The following NHS variants were observed in gnomAD, a reference collection of about 807,000 sequenced individuals.
NHS encodes the protein actin remodeling regulator NHS.
In NHS, 5 loss-of-function variants were observed where a neutral mutation model predicts 72.5. That is an observed-to-expected ratio of 0.07 (90% CI 0.04 to 0.14). The LOEUF is 0.14. Ranked by LOEUF, NHS falls within the 10% of genes least tolerant of loss-of-function variation. The pLI, the probability that NHS is intolerant of heterozygous loss-of-function variation, is 1.00. For missense variants in NHS, 1,072 were observed against 1,355.7 expected, an observed-to-expected ratio of 0.79 and a Z score of 3.29; for synonymous variants, 464 against 547.7, an observed-to-expected ratio of 0.85 and a Z score of 2.13.
intron 1 of NHS, among the ~76,000 whole-genome samples, chrX:17,462,035 A>G (rs2064849918): frequency 9.0e-6 from 1 of 111,251 alleles, no homozygotes; most frequent in East Asian, 2.8e-4. Context: ...CTCAGATTCA[A>G]TGAGTGAAGA....
chrX:17,657,817 G>C (rs2065964394), intron 1 of NHS, among the ~76,000 whole-genome samples: 1 of 112,879 alleles, frequency 8.9e-6, no homozygotes, highest in African/African-American at 3.2e-5. Context: ...AAGCCAACAA[G>C]CAACTCCCTC....
intron 1 of NHS, among the ~76,000 whole-genome samples, chrX:17,383,204 C>T (rs753019025): frequency 8.9e-6 from 1 of 111,983 alleles, no homozygotes; most frequent in Admixed American, 9.5e-5. Context: ...CCTGTACTTG[C>T]AGTCATAGGG....
intron 1 of NHS, among the ~76,000 whole-genome samples, chrX:17,443,656 A>G (rs1239472561): frequency 1.8e-5 from 2 of 111,571 alleles, no homozygotes; most frequent in Non-Finnish European, 3.8e-5. Context: ...CCTTCATTCC[A>G]TCTTGTAATT....
chrX:17,486,725 T>G (rs888034496), intron 1 of NHS, among the ~76,000 whole-genome samples: 1 of 112,196 alleles, frequency 8.9e-6, no homozygotes, highest in Non-Finnish European at 1.9e-5. Context: ...GGAGGGAAAT[T>G]AGTTATCACT....
rs778587389 is a variant in NHS, at chrX:17,390,444, T to C, written c.565+14122T>C. ...CGCATGTTTATTGAGAGTTTGATTC[T>C]AGAGATTAACTTCAAGAAGTGCATC... On this transcript the variant is annotated intron_variant, in intron 1 of 8. Transcript: ENST00000676302. 3.7e-5 allele frequency among the ~76,000 whole-genome samples: 4 copies of C among 108,826 alleles called. No homozygotes were observed. In the East Asian group the frequency reaches 1.2e-3, roughly 32 times the overall value. The allele number at this position is 108,826 out of a possible 115,157, so 94.5% of individuals were successfully genotyped here.
intron 1 of NHS, among the ~76,000 whole-genome samples, chrX:17,679,667 CA>C (rs1473364685): frequency 2.7e-5 from 3 of 111,156 alleles, no homozygotes; most frequent in Non-Finnish European, 5.7e-5. Context: ...TCTAGGTATA[CA>C]AGCCAACCAA....
chrX:17,443,670 T>C (rs1309414971), intron 1 of NHS, among the ~76,000 whole-genome samples: 2 of 111,870 alleles, frequency 1.8e-5, no homozygotes, highest in Non-Finnish European at 3.8e-5. Flanking sequence ...TGTAATTTGC[T>C]CCCTTGAGGT....
intron 1 of NHS, among the ~76,000 whole-genome samples, chrX:17,480,013 T>C (rs2064939422): frequency 8.9e-6 from 1 of 111,828 alleles, no homozygotes; most frequent in Non-Finnish European, 1.9e-5. Context: ...TTCTAGGGTT[T>C]GGACTCTCAT....
intron 1 of NHS, among the ~76,000 whole-genome samples, chrX:17,535,451 A>C (rs2065218557): frequency 9.0e-6 from 1 of 111,723 alleles, no homozygotes; most frequent in Admixed American, 9.5e-5. Context: ...AAACACCGCT[A>C]ACAGATATTT....
chrX:17,674,028 TGAC>T (rs1322547818), intron 1 of NHS, among the ~76,000 whole-genome samples: 1 of 111,883 alleles, frequency 8.9e-6, no homozygotes, highest in African/African-American at 3.3e-5. Context: ...TTGACGGCAC[TGAC>T]GGTGTTCCTT....
intron 1 of NHS, chrX:17,635,725 A>T: frequency 1.4e-6 from 1 of 717,903 alleles, no homozygotes; most frequent in East Asian, 3.6e-5. Flanking sequence ...TTTCCCAATG[A>T]AAGTGAGCCC....
chrX:17,600,187 G>A (rs2065642470), intron 1 of NHS, among the ~76,000 whole-genome samples: 1 of 111,502 alleles, frequency 9.0e-6, no homozygotes, highest in African/African-American at 3.3e-5. Context: ...GATGACTCTT[G>A]AGTTAGGTTT....
At chrX:17,449,236 T>A (rs1300587327) in intron 1 of NHS, among the ~76,000 whole-genome samples, 1 of 113,315 alleles carries the variant, frequency 8.8e-6, no homozygotes, top group African/African-American at 3.2e-5. Flanking sequence ...TGGCAGTGGG[T>A]CTGATGTCCT....
At chrX:17,564,554 C>G (rs1353746731) in intron 1 of NHS, among the ~76,000 whole-genome samples, 2 of 112,187 alleles carry the variant, frequency 1.8e-5, no homozygotes, top group Non-Finnish European at 3.8e-5. Flanking sequence ...TGGAATGATT[C>G]TGTGTGTGGT....
intron 1 of NHS, among the ~76,000 whole-genome samples, chrX:17,508,765 C>G (rs996274241): frequency 2.7e-5 from 3 of 112,162 alleles, no homozygotes; most frequent in African/African-American, 3.2e-5. Flanking sequence ...CCACTGTGCC[C>G]GGCTCATTTT....
intron 1 of NHS, among the ~76,000 whole-genome samples, chrX:17,411,362 C>T (rs1012927384): frequency 9.0e-5 from 10 of 111,348 alleles, no homozygotes; most frequent in Non-Finnish European, 1.1e-4. Context: ...GGCCTCCTGG[C>T]GCCAATAAAT....
chrX:17,592,999 T>A (rs1011870226), intron 1 of NHS, among the ~76,000 whole-genome samples: 4 of 111,995 alleles, frequency 3.6e-5, no homozygotes, highest in African/African-American at 1.3e-4. Context: ...CCAAAAAAAA[T>A]TTTTAAAAGA....
intron 1 of NHS, among the ~76,000 whole-genome samples, chrX:17,652,062 C>A (rs1169149568): frequency 1.8e-5 from 2 of 112,441 alleles, no homozygotes; most frequent in African/African-American, 3.2e-5. Context: ...ATGCACCATC[C>A]ATGGCTGCTT....
At chrX:17,553,257 A>C in intron 1 of NHS, among the ~76,000 whole-genome samples, 1 of 112,230 alleles carries the variant, frequency 8.9e-6, no homozygotes, top group Non-Finnish European at 1.9e-5. Flanking sequence ...ACTCACAAGA[A>C]TAAGAACATG....
Sources: allele counts gnomAD v4.1 joint callset (sites outside exome capture counted in the v4.1 genomes callset), GRCh38; gene constraint gnomAD v4.1.1; transcripts MANE v1.5; gene names NCBI Gene and HGNC (gene_info 2026-07-23, HGNC 2026-07-21).